The following SRD5A2 variants were observed in gnomAD, a reference collection of about 807,000 sequenced individuals.
SRD5A2 encodes 3-oxo-5-alpha-steroid 4-dehydrogenase 2.
SRD5A2 carries 30 observed loss-of-function variants against 27.4 expected under a neutral mutation model. That is an observed-to-expected ratio of 1.10 (90% CI 0.82 to 1.49). SRD5A2 has a LOEUF of 1.49. Ranked by LOEUF, SRD5A2 falls within the 40% of genes most tolerant of loss-of-function variation. SRD5A2 has a pLI of 0.00. For missense variants in SRD5A2, 348 were observed against 323.4 expected (o/e 1.08, Z -0.58); for synonymous variants, 141 against 133.6 (o/e 1.06, Z -0.38).
At chr2:31,599,872 G>A in the SRD5A2 span, among the ~76,000 whole-genome samples, 13 of 151,820 alleles carry the variant, frequency 8.6e-5, no homozygotes, top group African/African-American at 3.1e-4. Flanking sequence ...ACATGAGCAG[G>A]TTTGTTACGT....
At chr2:31,649,935 T>C in the SRD5A2 span, among the ~76,000 whole-genome samples, 1 of 151,186 alleles carries the variant, frequency 6.6e-6, no homozygotes, top group South Asian at 2.1e-4. Context: ...TATTTTGTCA[T>C]TATTAATGAT....
the SRD5A2 span, among the ~76,000 whole-genome samples, chr2:31,636,620 A>T: frequency 6.6e-6 from 1 of 152,070 alleles, no homozygotes; most frequent in Admixed American, 6.6e-5. Flanking sequence ...GGTTTGTCAT[A>T]TGTGGCCTTT....
At chr2:31,637,319 G>T in the SRD5A2 span, among the ~76,000 whole-genome samples, 3 of 152,050 alleles carry the variant, frequency 2.0e-5, no homozygotes, top group African/African-American at 7.2e-5. Flanking sequence ...TTTGTTACCA[G>T]GTAGGAGATC....
At chr2:31,575,091 A>T (rs1262703431) in intron 1 of SRD5A2, among the ~76,000 whole-genome samples, 2 of 152,226 alleles carry the variant, frequency 1.3e-5, no homozygotes, top group Non-Finnish European at 2.9e-5. Flanking sequence ...TGATTAAGTG[A>T]TCACAGGAAT....
At chr2:31,550,350 T>C (rs527301001) in intron 1 of SRD5A2, among the ~76,000 whole-genome samples, 2 of 149,792 alleles carry the variant, frequency 1.3e-5, no homozygotes, top group African/African-American at 2.5e-5. Flanking sequence ...TTCCAAAAAA[T>C]AGAAGAGCTT....
intron 1 of SRD5A2, among the ~76,000 whole-genome samples, chr2:31,538,290 A>G (rs1363054131): frequency 4.6e-5 from 7 of 152,102 alleles, no homozygotes; most frequent in Non-Finnish European, 1.0e-4. Flanking sequence ...TAAGCCAAAG[A>G]TCTTAGACCA....
At chr2:31,555,875 T>C (rs1666483840) in intron 1 of SRD5A2, among the ~76,000 whole-genome samples, 1 of 152,068 alleles carries the variant, frequency 6.6e-6, no homozygotes, top group Non-Finnish European at 1.5e-5. Flanking sequence ...GAGGGTAAAG[T>C]AGGAAGATCT....
At chr2:31,637,152 T>C in the SRD5A2 span, among the ~76,000 whole-genome samples, 2 of 152,074 alleles carry the variant, frequency 1.3e-5, no homozygotes, top group Non-Finnish European at 2.9e-5. Context: ...TCTCATTACT[T>C]GTAATTTGTT....
At chr2:31,662,827 G>T in the SRD5A2 span, among the ~76,000 whole-genome samples, 1 of 152,122 alleles carries the variant, frequency 6.6e-6, no homozygotes, top group African/African-American at 2.4e-5. Flanking sequence ...TAGCCTTCTA[G>T]CTCTTGTTTC....
chr2:31,554,277 C>A (rs940832050), intron 1 of SRD5A2, among the ~76,000 whole-genome samples: 21 of 151,982 alleles, frequency 1.4e-4, no homozygotes, highest in African/African-American at 5.1e-4. Context: ...CACTAACTCC[C>A]TGAAAAAAAA....
intron 1 of SRD5A2, among the ~76,000 whole-genome samples, chr2:31,573,746 C>T (rs1666898465): frequency 6.6e-6 from 1 of 152,130 alleles, no homozygotes; most frequent in Admixed American, 6.5e-5. Context: ...ACAGCTCAGC[C>T]CTTCTGCTGT....
At chr2:31,597,043 C>T in the SRD5A2 span, among the ~76,000 whole-genome samples, 2 of 152,120 alleles carry the variant, frequency 1.3e-5, no homozygotes, top group Non-Finnish European at 1.5e-5. Flanking sequence ...CAAAGCAAGA[C>T]TAAACCAAAA....
At chr2:31,569,605 A>T (rs980995209) in intron 1 of SRD5A2, among the ~76,000 whole-genome samples, 1 of 152,060 alleles carries the variant, frequency 6.6e-6, no homozygotes, top group Non-Finnish European at 1.5e-5. Context: ...AAGGCAGTTC[A>T]TTGGACAAAA....
chr2:31,645,115 A>T, the SRD5A2 span, among the ~76,000 whole-genome samples: 1 of 152,200 alleles, frequency 6.6e-6, no homozygotes, highest in Admixed American at 6.5e-5. Context: ...TTCTCTAGTA[A>T]CACATACCAC....
At chr2:31,548,157 G>C (rs1202152393) in intron 1 of SRD5A2, among the ~76,000 whole-genome samples, 1 of 151,864 alleles carries the variant, frequency 6.6e-6, no homozygotes, top group Non-Finnish European at 1.5e-5. Context: ...GAAAACGTAG[G>C]ACAAAAGCAT....
At chr2:31,572,598 C>A (rs1666874478) in intron 1 of SRD5A2, among the ~76,000 whole-genome samples, 1 of 152,124 alleles carries the variant, frequency 6.6e-6, no homozygotes, top group African/African-American at 2.4e-5. Context: ...AATAAGAAAA[C>A]AAACAACCCA....
chr2:31,582,005 T>C (rs961386736), upstream of SRD5A2, among the ~76,000 whole-genome samples: 4 of 152,202 alleles, frequency 2.6e-5, no homozygotes, highest in African/African-American at 9.6e-5. Flanking sequence ...CCTTCTTTTC[T>C]TCTCTTCCTT....
the SRD5A2 span, among the ~76,000 whole-genome samples, chr2:31,633,574 C>G: frequency 1.3e-5 from 2 of 152,136 alleles, no homozygotes; most frequent in Non-Finnish European, 2.9e-5. Flanking sequence ...ACCATGGTCC[C>G]CTGGACCGGC....
intron 1 of SRD5A2, chr2:31,563,252 A>G (rs1017927979): frequency 6.6e-6 from 1 of 152,156 alleles, no homozygotes; most frequent in African/African-American, 2.4e-5. Context: ...AGTAGAGGTC[A>G]CTAAAACCAA....
Sources: allele counts gnomAD v4.1 joint callset (sites outside exome capture counted in the v4.1 genomes callset), GRCh38; gene constraint gnomAD v4.1.1; transcripts MANE v1.5; gene names NCBI Gene and HGNC (gene_info 2026-07-23, HGNC 2026-07-21).